MED14: variants seen among roughly 807,000 people sequenced by gnomAD.
The protein encoded by MED14 is mediator of RNA polymerase II transcription subunit 14.
Under a neutral mutation model 109.0 loss-of-function variants are expected in MED14, and 8 were observed. That is an observed-to-expected ratio of 0.07 (90% confidence interval 0.04 to 0.13). MED14 has a LOEUF of 0.13. Among genes scored for constraint, MED14 ranks in the 10% least tolerant of loss-of-function variants. The pLI, the probability that MED14 is intolerant of heterozygous loss-of-function variation, is 1.00. For synonymous variants in MED14, 399 were observed against 408.7 expected, an observed-to-expected ratio of 0.98 and a Z score of 0.29; for missense variants, 711 against 1,142.4, an observed-to-expected ratio of 0.62 and a Z score of 5.44.
intron 21 of MED14, among the ~76,000 whole-genome samples, chrX:40,679,232 C>G (rs1185630225): frequency 9.0e-6 from 1 of 111,665 alleles, no homozygotes; most frequent in Admixed American, 9.5e-5. Flanking sequence ...AGGCCAGGCA[C>G]AGATTACATC....
intron 25 of MED14, among the ~76,000 whole-genome samples, chrX:40,663,805 G>A (rs1164399188): frequency 8.9e-6 from 1 of 112,489 alleles, no homozygotes; most frequent in East Asian, 2.8e-4. Flanking sequence ...GTTATTATGT[G>A]TGATATTGTG....
chrX:40,697,270 T>A (rs1299599375), intron 12 of MED14, 87 bp from the exon 13 acceptor site: 1 of 525,828 alleles, frequency 1.9e-6, no homozygotes, highest in Non-Finnish European at 3.0e-6. Flanking sequence ...TAAAGACCAT[T>A]AAAAAAACAA....
Position 40,650,141 on chromosome X carries a change from G to A in MED14, c.*1665C>T, listed in dbSNP as rs189383684. On this transcript the variant is annotated 3_prime_UTR_variant, in exon 31 of 31. Transcript: ENST00000324817. The stretch of plus-strand genomic sequence containing the variant: ...AGACATCTTAGATTGCCAAACTGAT[G>A]TGATTACCACTGTAAGAACTAAAAA... 1.2e-4 allele frequency: 88 copies of A among 750,177 alleles called. 1 individual carries two copies. Among genetic ancestry groups the A allele is most frequent in the Admixed American group, 3.5e-4 (4 of 11,443 alleles). The allele number at this position is 750,177 out of a possible 1,213,427, so 61.8% of individuals were successfully genotyped here.
chrX:40,659,996 C>T (rs1929202705), intron 26 of MED14, among the ~76,000 whole-genome samples: 1 of 111,879 alleles, frequency 8.9e-6, no homozygotes, highest in African/African-American at 3.3e-5. Flanking sequence ...TGTAAGGGGA[C>T]TTAGAAAAAC....
chrX:40,676,625 TGAATTGTAATC>T (rs1929917713), intron 21 of MED14, among the ~76,000 whole-genome samples: 1 of 112,062 alleles, frequency 8.9e-6, no homozygotes, highest in Non-Finnish European at 1.9e-5. Flanking sequence ...AATCTCATCT[TGAATTGTAATC>T]GAATTGTAAT....
intron 25 of MED14, 79 bp downstream of exon 25, chrX:40,664,228 T>G: frequency 1.0e-6 from 1 of 969,831 alleles, no homozygotes; most frequent in Admixed American, 3.1e-5. Context: ...AGGTCATGAC[T>G]TTCAAATGTG....
rs146790160 is a variant in MED14, at chrX:40,688,523, T to C, written c.1988A>G (p.Asn663Ser). 60 of 1,192,579 alleles carry C rather than the reference T, an allele frequency of 5.0e-5. No homozygotes were observed. In the African/African-American group the frequency reaches 6.8e-4, roughly 14 times the overall value. The change falls in exon 16 of 31, where the codon AAT (asparagine) becomes AGT (serine). Residue 663 changes from asparagine to serine, a missense_variant. Asn to Ser is a conservative substitution (Grantham distance 46, BLOSUM62 1). Transcript: ENST00000324817. ...PFVGLRLELSNLEIPHQGVQV... is the reference protein window; with the variant it reads ...PFVGLRLELSSLEIPHQGVQV... ...CACTCCTTGATGTGGAATCTCCAGA[T>C]TGGACAACTAGAAAGAGAAAAACAA... is the stretch of plus-strand genomic sequence containing the variant.
At chrX:40,734,016 G>A (rs947371759) in intron 1 of MED14, among the ~76,000 whole-genome samples, 11 of 111,760 alleles carry the variant, frequency 9.8e-5, no homozygotes, top group African/African-American at 3.6e-4. Context: ...ACAATTCAAG[G>A]AATTTCTACA....
In MED14 at chrX:40,724,808, TA is replaced by T. The variant is rs1931841723; in HGVS notation, c.348+1937del. 2.7e-5 allele frequency among the ~76,000 whole-genome samples: 3 copies of T among 110,383 alleles called. No individual in the cohort carries two copies. The South Asian group carries it at 1.1e-3, about 41-fold the overall frequency. On this transcript the variant is annotated intron_variant, in intron 3 of 30. Transcript: ENST00000324817. Reference sequence around the variant, plus strand: ...AACCAAAATTAGAAGAAATAATAAATATCAGGGCAGAAATAAATGAATTTGA... The same window carrying T: ...AACCAAAATTAGAAGAAATAATAAATTCAGGGCAGAAATAAATGAATTTGA...
chrX:40,735,486 G>A lies in MED14; in HGVS notation c.-74C>T. On this transcript the variant is annotated 5_prime_UTR_variant, in exon 1 of 31. Transcript: ENST00000324817. ...AGCCTCCCGGGCGCTCGGTCACCGC[G>A]CCGAAACGGGAGCGGGCAGAGTCGC... 1.0e-6 allele frequency: 1 copy of A among 969,317 alleles called. No homozygotes were observed. The highest frequency in any genetic ancestry group is 1.4e-6 in the Non-Finnish European group (1 of 704,063). 79.9% of individuals were successfully genotyped at this position (969,317 alleles called of 1,213,427 possible).
chrX:40,717,742 C>T (rs747801296), intron 3 of MED14, among the ~76,000 whole-genome samples: 1 of 111,711 alleles, frequency 9.0e-6, no homozygotes, highest in South Asian at 3.7e-4. Context: ...AGGCTAGTCT[C>T]GAACTCCTGA....
At chrX:40,698,767 T>C (rs1399754920) in intron 12 of MED14, among the ~76,000 whole-genome samples, 2 of 112,326 alleles carry the variant, frequency 1.8e-5, no homozygotes, top group East Asian at 2.8e-4. Context: ...CAGTAACAAT[T>C]GTTGGCAAGG....
intron 24 of MED14, among the ~76,000 whole-genome samples, chrX:40,665,105 GA>G (rs1361718276): frequency 1.8e-5 from 2 of 111,897 alleles, no homozygotes; most frequent in African/African-American, 6.5e-5. Flanking sequence ...ATGACAAACT[GA>G]AAAAATACTT....
intron 15 of MED14, among the ~76,000 whole-genome samples, chrX:40,689,719 C>T (rs1382363937): frequency 9.0e-6 from 1 of 111,341 alleles, no homozygotes; most frequent in Non-Finnish European, 1.9e-5. Context: ...ATAAACATCC[C>T]TTATAAGATG....
At chrX:40,657,725 G>A (rs1361850201) in intron 28 of MED14, among the ~76,000 whole-genome samples, 1 of 112,230 alleles carries the variant, frequency 8.9e-6, no homozygotes, top group Non-Finnish European at 1.9e-5. Flanking sequence ...CAGATATTCA[G>A]TGCTCTGAAG....
intron 10 of MED14, among the ~76,000 whole-genome samples, chrX:40,707,155 A>T (rs959532278): frequency 2.7e-5 from 3 of 111,097 alleles, no homozygotes; most frequent in Non-Finnish European, 5.7e-5. Flanking sequence ...ATAGATAGAG[A>T]CCAGCCTGGG....
rs1293293761 is a variant in MED14 at position 40,648,610 on chromosome X, T to C, written c.*3196A>G. On this transcript the variant is annotated 3_prime_UTR_variant, in exon 31 of 31. Transcript: ENST00000324817. The stretch of plus-strand genomic sequence containing the variant: ...GTTGTTGTGAGGATTAAATACACAT[T>C]GAAATATTAAGAAAATGCCTAGCAC... 2.7e-5 allele frequency: 3 copies of C among 112,681 alleles called. No individual in the cohort carries two copies. Among genetic ancestry groups the C allele is most frequent in the African/African-American group, 9.7e-5 (3 of 30,932 alleles). The allele number at this position is 112,681 out of a possible 1,213,427, so 9.3% of individuals were successfully genotyped here. A position where few individuals can be genotyped will look rare whatever the true frequency, so the allele number is the denominator to read the frequency against.
intron 3 of MED14, among the ~76,000 whole-genome samples, chrX:40,719,225 G>A (rs1342593781): frequency 8.9e-6 from 1 of 111,930 alleles, no homozygotes; most frequent in Non-Finnish European, 1.9e-5. Flanking sequence ...AAATGGTGTG[G>A]CCACTTTGTA....
intron 13 of MED14, among the ~76,000 whole-genome samples, chrX:40,695,365 G>A (rs747143763): frequency 8.9e-6 from 1 of 112,260 alleles, no homozygotes; most frequent in Non-Finnish European, 1.9e-5. Flanking sequence ...GATATCAACT[G>A]CAGCAAGACT....
Sources: allele counts gnomAD v4.1 joint callset (sites outside exome capture counted in the v4.1 genomes callset), GRCh38; gene constraint gnomAD v4.1.1; transcripts MANE v1.5; gene names NCBI Gene and HGNC (gene_info 2026-07-23, HGNC 2026-07-21).